Variants in SPIDR observed in about 807,000 individuals in gnomAD.
SPIDR encodes DNA repair-scaffolding protein.
SPIDR carries 93 observed loss-of-function variants against 104.6 expected under a neutral mutation model. The ratio of observed to expected loss-of-function variants is 0.89; its 90% CI spans 0.75 to 1.06. SPIDR has a LOEUF of 1.06. Among genes scored for constraint, SPIDR ranks in the 50% least tolerant of loss-of-function variants. SPIDR has a pLI of 0.00. For synonymous variants in SPIDR, 431 were observed against 416.9 expected, an observed-to-expected ratio of 1.03 and a Z score of -0.41; for missense variants, 1,154 against 1,111.2, an observed-to-expected ratio of 1.04 and a Z score of -0.55.
At chr8:47,323,649 C>G (rs1207669353) in intron 5 of SPIDR, among the ~76,000 whole-genome samples, 1 of 152,072 alleles carries the variant, frequency 6.6e-6, no homozygotes, top group Non-Finnish European at 1.5e-5. Context: ...TAACGTATTC[C>G]TCACATAGTT....
At chr8:47,616,117 TAA>T (rs1427387389) in intron 10 of SPIDR, among the ~76,000 whole-genome samples, 1 of 152,222 alleles carries the variant, frequency 6.6e-6, no homozygotes, top group Non-Finnish European at 1.5e-5. Flanking sequence ...TCATCGCGAG[TAA>T]AGACAGTTTT....
intron 2 of SPIDR, among the ~76,000 whole-genome samples, chr8:47,283,555 T>G (rs1298318394): frequency 6.6e-6 from 1 of 152,204 alleles, no homozygotes; most frequent in Non-Finnish European, 1.5e-5. Context: ...ACAGAATTGC[T>G]TGACACAGGA....
chr8:47,507,258 G>A (rs182293305), intron 8 of SPIDR, among the ~76,000 whole-genome samples: 2 of 152,294 alleles, frequency 1.3e-5, no homozygotes, highest in Non-Finnish European at 1.5e-5. Context: ...TTTCAGTTGG[G>A]TCAGATAGTC....
chr8:47,425,450 T>G (rs1309104402), intron 7 of SPIDR, among the ~76,000 whole-genome samples: 1 of 152,132 alleles, frequency 6.6e-6, no homozygotes, highest in African/African-American at 2.4e-5. Context: ...TGCATGGGCA[T>G]GGTAGGAGCT....
intron 6 of SPIDR, among the ~76,000 whole-genome samples, chr8:47,400,439 G>T (rs2061724291): frequency 6.6e-6 from 1 of 152,176 alleles, no homozygotes; most frequent in Non-Finnish European, 1.5e-5. Context: ...TCTTCAAACT[G>T]GAAGACTTCC....
intron 8 of SPIDR, 40 bp from the exon 9 acceptor site, chr8:47,595,771 A>G: frequency 1.3e-6 from 2 of 1,590,890 alleles, no homozygotes; most frequent in South Asian, 1.1e-5. Context: ...GGGGACCCCA[A>G]TATTGCAAAG....
At chr8:47,485,647 G>C (rs782614932) in intron 8 of SPIDR, among the ~76,000 whole-genome samples, 1 of 152,316 alleles carries the variant, frequency 6.6e-6, no homozygotes, top group East Asian at 1.9e-4. Context: ...TCACCCCTCT[G>C]AGACAAAGCT....
intron 8 of SPIDR, among the ~76,000 whole-genome samples, chr8:47,500,783 A>G (rs1315574538): frequency 6.6e-6 from 1 of 152,186 alleles, no homozygotes; most frequent in Non-Finnish European, 1.5e-5. Context: ...TAGGTCTAAC[A>G]TGTAAGTCTT....
At chr8:47,589,841 G>A (rs1473693249) in intron 8 of SPIDR, among the ~76,000 whole-genome samples, 1 of 151,730 alleles carries the variant, frequency 6.6e-6, no homozygotes, top group Non-Finnish European at 1.5e-5. Context: ...TTTCTCTGTT[G>A]TTTTTCTGTT....
chr8:47,511,642 A>G (rs762175109), intron 8 of SPIDR: 24 of 799,160 alleles, frequency 3.0e-5, no homozygotes, highest in Non-Finnish European at 5.2e-5. Context: ...TTCTCCTGCC[A>G]CATAAGCAGA....
At chr8:47,329,351 G>A (rs1047767351) in intron 5 of SPIDR, among the ~76,000 whole-genome samples, 6 of 152,132 alleles carry the variant, frequency 3.9e-5, no homozygotes, top group Non-Finnish European at 4.4e-5. Flanking sequence ...GATTACAGGC[G>A]TGAGCCACCG....
intron 14 of SPIDR, among the ~76,000 whole-genome samples, chr8:47,712,193 G>GT (rs1218779344): frequency 1.3e-5 from 2 of 152,212 alleles, no homozygotes; most frequent in Non-Finnish European, 2.9e-5. Flanking sequence ...AATAAAACCT[G>GT]TTGCAGATGC....
chr8:47,267,458 C>A (rs1261642503), intron 1 of SPIDR, among the ~76,000 whole-genome samples: 1 of 152,156 alleles, frequency 6.6e-6, no homozygotes, highest in Non-Finnish European at 1.5e-5. Context: ...GTGGTTGCAC[C>A]TTTTACAGTC....
intron 8 of SPIDR, among the ~76,000 whole-genome samples, chr8:47,492,550 G>C (rs1254779594): frequency 1.3e-5 from 2 of 152,112 alleles, no homozygotes; most frequent in African/African-American, 4.8e-5. Flanking sequence ...TGACTCTTTG[G>C]TTCCTTTTCT....
chr8:47,453,587 G>A (rs1477951620), intron 8 of SPIDR, among the ~76,000 whole-genome samples: 3 of 152,082 alleles, frequency 2.0e-5, no homozygotes, highest in Non-Finnish European at 2.9e-5. Flanking sequence ...TCTGATCTTT[G>A]ACAAAAACAA....
At chr8:47,705,346 A>G (rs1432139829) in intron 14 of SPIDR, among the ~76,000 whole-genome samples, 1 of 152,186 alleles carries the variant, frequency 6.6e-6, no homozygotes, top group Non-Finnish European at 1.5e-5. Flanking sequence ...ATGTGTGCCT[A>G]GGAATCAGTA....
At chr8:47,711,343 G>A (rs2081861194) in intron 14 of SPIDR, among the ~76,000 whole-genome samples, 1 of 152,010 alleles carries the variant, frequency 6.6e-6, no homozygotes, top group African/African-American at 2.4e-5. Context: ...GGTTTTTTTA[G>A]TTTTAGTTTT....
intron 5 of SPIDR, among the ~76,000 whole-genome samples, chr8:47,353,700 A>G (rs538369501): frequency 4.5e-4 from 58 of 128,654 alleles, no homozygotes; most frequent in South Asian, 2.2e-3. Context: ...ATTTAAATCT[A>G]TACTGAGATT....
At position 47,685,501 on chromosome 8, in the gene SPIDR, A is replaced by ATTTTTTTT. The variant is rs1326028640; in HGVS notation, c.1685+11563_1685+11564insTTTTTTTT. Among the ~76,000 whole-genome samples the ATTTTTTTT allele has an allele frequency of 6.2e-3, 687 of 110,074 alleles. 19 individuals are homozygous for ATTTTTTTT. The highest frequency in any genetic ancestry group is 0.012 in the East Asian group (36 of 3,054). 72.2% of individuals were successfully genotyped at this position (110,074 alleles called of 152,430 possible). ...GTTTTATTTATTTATTTATTTATTTATTTATTTATTTATTTATTTTTTTGA... is the reference window on the plus strand; with the variant it reads ...GTTTTATTTATTTATTTATTTATTTATTTTTTTTTTTATTTATTTATTTATTTTTTTGA... On this transcript the variant is annotated intron_variant, in intron 11 of 19. Coordinates refer to ENST00000297423, the MANE Select transcript of SPIDR (RefSeq NM_001080394.4).
Sources: gnomAD v4.1 joint callset for allele counts (sites outside exome capture counted in the v4.1 genomes callset) on GRCh38, gnomAD v4.1.1 for gene constraint, MANE v1.5 for transcripts, NCBI Gene and HGNC (gene_info 2026-07-23, HGNC 2026-07-21) for gene names.